SORCS2: variants seen among roughly 807,000 people sequenced by gnomAD.
SORCS2 encodes VPS10 domain-containing receptor SorCS2.
A neutral mutation model predicts 141.6 loss-of-function variants in SORCS2; 100 were observed. The observed-to-expected ratio is 0.71, with a 90% CI of 0.60 to 0.83. The LOEUF (loss-of-function observed/expected upper bound fraction) is 0.83. Ranked by LOEUF, SORCS2 falls within the 40% of genes least tolerant of loss-of-function variation. SORCS2 has a pLI of 0.00. For synonymous variants in SORCS2, 789 were observed against 676.9 expected (o/e 1.17, Z -2.57); for missense variants, 1,646 against 1,560.2 (o/e 1.05, Z -0.93).
At chr4:7,271,419 T>C (rs964988265) in intron 1 of SORCS2, among the ~76,000 whole-genome samples, 1 of 152,224 alleles carries the variant, frequency 6.6e-6, no homozygotes, top group Non-Finnish European at 1.5e-5. Context: ...GCTCCAGCCA[T>C]GGCACCTTTC....
At chr4:7,617,706 C>T (rs777183158) in intron 3 of SORCS2, among the ~76,000 whole-genome samples, 26 of 152,124 alleles carry the variant, frequency 1.7e-4, no homozygotes, top group African/African-American at 1.9e-4. Flanking sequence ...TCAGATATTC[C>T]GAGCAACTTT....
chr4:7,201,273 C>T lies in SORCS2; in HGVS notation c.480+8147C>T, dbSNP rs536431775. On this transcript the variant is annotated intron_variant, in intron 1 of 26. Coordinates refer to ENST00000507866, the MANE Select transcript of SORCS2 (RefSeq NM_020777.3). The surrounding 1 kb of genome is among the most constrained non-coding windows in gnomAD (Gnocchi z 4.4). ...AGCGCTCATGGGCACAGGAGAGACTCGTGCGTTGATCAAGAAGCCTGGCTC... is the reference window on the plus strand; with the variant it reads ...AGCGCTCATGGGCACAGGAGAGACTTGTGCGTTGATCAAGAAGCCTGGCTC... Among the ~76,000 whole-genome samples, 35 of 152,294 alleles carry T rather than the reference C, an allele frequency of 2.3e-4. No homozygotes were observed. Among genetic ancestry groups the T allele is most frequent in the Non-Finnish European group, 3.4e-4 (23 of 68,026 alleles).
At chr4:7,677,694 C>T (rs1723253112) in intron 9 of SORCS2, among the ~76,000 whole-genome samples, 1 of 152,226 alleles carries the variant, frequency 6.6e-6, no homozygotes, top group Non-Finnish European at 1.5e-5. Context: ...TTGACAGCAG[C>T]AGCAGAACTG....
At chr4:7,310,255 A>C (rs1413042049) in intron 1 of SORCS2, among the ~76,000 whole-genome samples, 3 of 152,136 alleles carry the variant, frequency 2.0e-5, no homozygotes, top group Non-Finnish European at 2.9e-5. Flanking sequence ...GGAGGTAGAC[A>C]CTATCATCAC....
chr4:7,392,130 G>C (rs1028302054), intron 1 of SORCS2, among the ~76,000 whole-genome samples: 1 of 152,220 alleles, frequency 6.6e-6, no homozygotes, highest in Non-Finnish European at 1.5e-5. Flanking sequence ...ACCTGGCCCT[G>C]GTCCTGGCTA....
intron 4 of SORCS2, among the ~76,000 whole-genome samples, chr4:7,649,367 G>A (rs1169644386): frequency 2.6e-5 from 4 of 151,818 alleles, no homozygotes; most frequent in African/African-American, 9.7e-5. Flanking sequence ...GGGGGGCTGT[G>A]TACCCATGTG....
intron 1 of SORCS2, among the ~76,000 whole-genome samples, chr4:7,361,233 T>C (rs1410877632): frequency 6.6e-6 from 1 of 152,218 alleles, no homozygotes; most frequent in Non-Finnish European, 1.5e-5. Flanking sequence ...GATTTTTCAA[T>C]GATGATTGTG....
chr4:7,341,403 C>T (rs1029346463), intron 1 of SORCS2, among the ~76,000 whole-genome samples: 3 of 152,208 alleles, frequency 2.0e-5, no homozygotes, highest in East Asian at 1.9e-4. Flanking sequence ...CTGAACCCTG[C>T]GGGGCTTTGT....
intron 1 of SORCS2, among the ~76,000 whole-genome samples, chr4:7,316,799 C>T (rs1036335084): frequency 6.6e-6 from 1 of 152,154 alleles, no homozygotes; most frequent in South Asian, 2.1e-4. Flanking sequence ...CACACTCCCC[C>T]GTGGAGGAAT....
intron 3 of SORCS2, among the ~76,000 whole-genome samples, chr4:7,623,169 A>G (rs1719313479): frequency 6.6e-6 from 1 of 151,954 alleles, no homozygotes; most frequent in Non-Finnish European, 1.5e-5. Context: ...AGACACACCA[A>G]TGCCCTGCCT....
chr4:7,573,711 A>G (rs1054902579), intron 3 of SORCS2, among the ~76,000 whole-genome samples: 23 of 152,124 alleles, frequency 1.5e-4, no homozygotes, highest in African/African-American at 5.6e-4. Flanking sequence ...AGGAGGGGTG[A>G]AGGGGAAAAA....
chr4:7,547,689 A>G (rs1246496583), intron 3 of SORCS2, among the ~76,000 whole-genome samples: 2 of 152,132 alleles, frequency 1.3e-5, no homozygotes, highest in Non-Finnish European at 2.9e-5. Flanking sequence ...TCAGGACCCC[A>G]GTCACGGGAT....
At chr4:7,358,980 A>G (rs1721422949) in intron 1 of SORCS2, among the ~76,000 whole-genome samples, 1 of 152,186 alleles carries the variant, frequency 6.6e-6, no homozygotes, top group South Asian at 2.1e-4. Context: ...CTGGAACTAC[A>G]GGTGCATACC....
At chr4:7,389,363 C>G (rs2109094867) in intron 1 of SORCS2, among the ~76,000 whole-genome samples, 1 of 152,180 alleles carries the variant, frequency 6.6e-6, no homozygotes, top group East Asian at 1.9e-4. Flanking sequence ...GTGACGTGAC[C>G]CGTACCAGCG....
chr4:7,478,711 A>T (rs2109363342), intron 2 of SORCS2, among the ~76,000 whole-genome samples: 1 of 152,236 alleles, frequency 6.6e-6, no homozygotes, highest in East Asian at 1.9e-4. Context: ...ATATTTGACC[A>T]ATGAATGAGA....
At chr4:7,199,007 C>G (rs1258815395) in intron 1 of SORCS2, among the ~76,000 whole-genome samples, 1 of 152,174 alleles carries the variant, frequency 6.6e-6, no homozygotes, top group Non-Finnish European at 1.5e-5. Context: ...ATATTTGCCT[C>G]CAAAGCAGCC....
chr4:7,433,394 C>A lies in SORCS2; in HGVS notation c.548+37039C>A, dbSNP rs561400494. 34 of 1,498,624 alleles carry A rather than the reference C, an allele frequency of 2.3e-5. No individual in the cohort carries two copies. In the East Asian group the frequency reaches 7.9e-4, roughly 35 times the overall value. 92.8% of individuals were successfully genotyped at this position (1,498,624 alleles called of 1,614,324 possible). A position where few individuals can be genotyped will look rare whatever the true frequency, so the allele number is the denominator to read the frequency against. On this transcript the variant is annotated intron_variant, in intron 2 of 26. Coordinates refer to ENST00000507866, the MANE Select transcript of SORCS2 (RefSeq NM_020777.3). Reference sequence around the variant, plus strand: ...TGTTGCACAGCGTTGCACAGCTTGGCGGCCTCCTGGCTCCTGCACCAGAAG... The same window carrying A: ...TGTTGCACAGCGTTGCACAGCTTGGAGGCCTCCTGGCTCCTGCACCAGAAG...
At position 7,405,732 on chromosome 4, in the gene SORCS2, T is replaced by G. The variant is rs115328356; in HGVS notation, c.548+9377T>G. ...TACTAAATTCATTTATCAAATCTGT[T>G]TTTTCATGGACTCTTTAGTTTTTCC... On this transcript the variant is annotated intron_variant, in intron 2 of 26. Transcript: ENST00000507866. Among the ~76,000 whole-genome samples the G allele has an allele frequency of 5.3e-3, 800 of 152,162 alleles. 4 individuals carry two copies. Among genetic ancestry groups the G allele is most frequent in the African/African-American group, 0.018 (760 of 41,556 alleles).
chr4:7,236,381 C>T (rs1712271063), intron 1 of SORCS2, among the ~76,000 whole-genome samples: 1 of 151,832 alleles, frequency 6.6e-6, no homozygotes, highest in South Asian at 2.1e-4. Context: ...GAGTGTGTTG[C>T]CAGGCTGAGG....
Sources: gnomAD v4.1 joint callset for allele counts (sites outside exome capture counted in the v4.1 genomes callset) on GRCh38, gnomAD v4.1.1 for gene constraint, Gnocchi (gnomAD v3.1) non-coding constraint, MANE v1.5 for transcripts, NCBI Gene and HGNC (gene_info 2026-07-23, HGNC 2026-07-21) for gene names.